Variants in UBXN7 observed in about 807,000 individuals in gnomAD.
UBXN7 encodes the protein UBX domain protein 7.
In UBXN7, 9 loss-of-function variants were observed where a neutral mutation model predicts 58.0. The ratio of observed to expected loss-of-function variants is 0.16; its 90% CI spans 0.09 to 0.27. The LOEUF (loss-of-function observed/expected upper bound fraction) is 0.27. Ranked by LOEUF, UBXN7 falls within the 10% of genes least tolerant of loss-of-function variation. The probability of loss-of-function intolerance (pLI) is 1.00; values close to 1 mark genes in which losing one functional copy is unlikely to be tolerated. For synonymous variants in UBXN7, 208 were observed against 205.0 expected, an observed-to-expected ratio of 1.01 and a Z score of -0.12; for missense variants, 328 against 599.6, an observed-to-expected ratio of 0.55 and a Z score of 4.73.
chr3:196,410,605 C>T (rs535158482), intron 1 of UBXN7, among the ~76,000 whole-genome samples: 50 of 152,194 alleles, frequency 3.3e-4, no homozygotes, highest in Non-Finnish European at 5.7e-4. Context: ...GGGCAGATCA[C>T]GAGGTTAGGA....
intron 1 of UBXN7, among the ~76,000 whole-genome samples, chr3:196,425,567 A>C (rs1730822603): frequency 6.6e-6 from 1 of 152,084 alleles, no homozygotes; most frequent in African/African-American, 2.4e-5. Context: ...TCACTCCTCT[A>C]ATTAAAACCC....
intron 3 of UBXN7, chr3:196,393,867 T>C: frequency 3.8e-6 from 1 of 261,334 alleles, no homozygotes; most frequent in Non-Finnish European, 7.5e-6. Flanking sequence ...CCTCAAAAAA[T>C]AAAAAAGTTT....
intron 2 of UBXN7, among the ~76,000 whole-genome samples, chr3:196,406,420 G>GA (rs1730164592): frequency 1.3e-5 from 2 of 151,760 alleles, no homozygotes; most frequent in Admixed American, 6.6e-5. Flanking sequence ...AACATTAACA[G>GA]AAAAAACTCT....
chr3:196,424,917 G>T (rs1425992887), intron 1 of UBXN7, among the ~76,000 whole-genome samples: 1 of 151,882 alleles, frequency 6.6e-6, no homozygotes, highest in African/African-American at 2.4e-5. Context: ...GGTCAGGCTG[G>T]TCTCAAACTC....
intron 5 of UBXN7, among the ~76,000 whole-genome samples, chr3:196,387,513 G>T (rs1729442381): frequency 6.6e-6 from 1 of 152,056 alleles, no homozygotes; most frequent in Admixed American, 6.6e-5. Flanking sequence ...CCTACAGAAT[G>T]GGAAAAAATT....
chr3:196,404,244 T>G (rs567806043), intron 2 of UBXN7, among the ~76,000 whole-genome samples: 1 of 152,016 alleles, frequency 6.6e-6, no homozygotes, highest in East Asian at 1.9e-4. Flanking sequence ...CCATATAAAT[T>G]TATGTTAGCC....
rs1560231323 is a variant in UBXN7, at chr3:196,391,997, A to AAC, written c.356-73_356-72insGT. 447 of 580,666 alleles carry AAC rather than the reference A, an allele frequency of 7.7e-4. 24 individuals carry two copies. The highest frequency in any genetic ancestry group is 1.7e-3 in the South Asian group (76 of 45,238). 36.0% of individuals were successfully genotyped at this position (580,666 alleles called of 1,614,324 possible). On this transcript the variant is annotated intron_variant, in intron 4 of 10. Coordinates refer to ENST00000296328, the MANE Select transcript of UBXN7 (RefSeq NM_015562.2). ...CACACTGAAAAAAAAAAAAAAAAAA[A>AAC]CACAAACTTCTGTCAATTGAAGGAA...
intron 1 of UBXN7, among the ~76,000 whole-genome samples, chr3:196,428,313 G>C (rs1205601986): frequency 2.0e-5 from 3 of 151,946 alleles, no homozygotes; most frequent in African/African-American, 7.3e-5. Flanking sequence ...TTTTAGCTGG[G>C]CATGGTGGCA....
intron 5 of UBXN7, among the ~76,000 whole-genome samples, chr3:196,372,773 T>G (rs1208838595): frequency 6.6e-6 from 1 of 151,908 alleles, no homozygotes; most frequent in Non-Finnish European, 1.5e-5. Flanking sequence ...TGAGACGAGC[T>G]TTGCTCTTGT....
intron 5 of UBXN7, among the ~76,000 whole-genome samples, chr3:196,386,239 C>T (rs897405460): frequency 5.9e-5 from 9 of 151,890 alleles, no homozygotes; most frequent in African/African-American, 1.9e-4. Context: ...ACAAACACTG[C>T]GGAAGGCAGC....
At chr3:196,403,839 T>G (rs1345603898) in intron 2 of UBXN7, among the ~76,000 whole-genome samples, 1 of 152,196 alleles carries the variant, frequency 6.6e-6, no homozygotes, top group Non-Finnish European at 1.5e-5. Context: ...TACTCATCTT[T>G]TAAAAGCCTA....
rs144595952 is a variant in UBXN7 at position 196,372,300 on chromosome 3, T to TTCTCTC, written c.469-264_469-259dup. 6.0e-3 allele frequency among the ~76,000 whole-genome samples: 806 copies of TTCTCTC among 133,610 alleles called. 10 individuals are homozygous for TTCTCTC. Among genetic ancestry groups the TTCTCTC allele is most frequent in the South Asian group, 0.034 (133 of 3,870 alleles). 87.7% of individuals were successfully genotyped at this position (133,610 alleles called of 152,430 possible). ...TCCAGTTATTTGTTATAATAGCTGA[T>TTCTCTC]TCTCTCTCTCTCTCTCTCTCTCTCT... On this transcript the variant is annotated intron_variant, in intron 5 of 10. Transcript: ENST00000296328.
chr3:196,414,240 C>A (rs1387564461), intron 1 of UBXN7, among the ~76,000 whole-genome samples: 1 of 152,176 alleles, frequency 6.6e-6, no homozygotes, highest in East Asian at 1.9e-4. Flanking sequence ...CTGCCTTGGC[C>A]TCCCAAAGTG....
chr3:196,391,666 C>G lies in UBXN7; in HGVS notation c.468+147G>C. 2.0e-5 allele frequency: 11 copies of G among 541,064 alleles called. No homozygotes were observed. The South Asian group carries it at 2.4e-4, about 12-fold the overall frequency. 33.5% of individuals were successfully genotyped at this position (541,064 alleles called of 1,614,324 possible). ...GGAGGATCCCTTGAGCCCAAGAGTT[C>G]AAGGCTGCAGTGAGCTATGATTGTG... On this transcript the variant is annotated intron_variant, in intron 5 of 10. Transcript: ENST00000296328.
chr3:196,372,956 G>A (rs1266651380), intron 5 of UBXN7, among the ~76,000 whole-genome samples: 1 of 151,984 alleles, frequency 6.6e-6, no homozygotes, highest in African/African-American at 2.4e-5. Context: ...TCACCATGTT[G>A]GCCAGGCTGG....
Position 196,351,167 on chromosome 3 carries a change from C to CTT in UBXN7, c.*5516_*5517dup, listed in dbSNP as rs1248461721. 1 of 152,184 alleles carries CTT rather than the reference C, an allele frequency of 6.6e-6. No individual in the cohort carries two copies. Among genetic ancestry groups the CTT allele is most frequent in the Non-Finnish European group, 1.5e-5 (1 of 68,028 alleles). 9.4% of individuals were successfully genotyped at this position (152,184 alleles called of 1,614,324 possible). On this transcript the variant is annotated 3_prime_UTR_variant, in exon 11 of 11. Transcript: ENST00000296328. ...CATTTTTAAGTCAGCCTAATTGTAT[C>CTT]TTTAAAAAGCTGTTTCTGCCAAAAC... is the stretch of plus-strand genomic sequence containing the variant.
intron 5 of UBXN7, among the ~76,000 whole-genome samples, chr3:196,391,612 T>C (rs1475406580): frequency 6.6e-6 from 1 of 151,978 alleles, no homozygotes; most frequent in Non-Finnish European, 1.5e-5. Context: ...CACATGCCTA[T>C]AGCCCTAGCT....
Position 196,352,083 on chromosome 3 carries a change from CG to C in UBXN7, c.*4601del, listed in dbSNP as rs1221285687. On this transcript the variant is annotated 3_prime_UTR_variant, in exon 11 of 11. Coordinates refer to ENST00000296328, the MANE Select transcript of UBXN7 (RefSeq NM_015562.2). The surrounding 1 kb of genome is among the most constrained non-coding windows in gnomAD (Gnocchi z 4.1). ...AAGAAAAAGGTGAGTCAAAAGAAAA[CG>C]TGAGCTACAGTGCTTGCCACTTCAG... 1 of 152,170 alleles carries C rather than the reference CG, an allele frequency of 6.6e-6. No homozygotes were observed. The highest frequency in any genetic ancestry group is 1.5e-5 in the Non-Finnish European group (1 of 68,038). The allele number at this position is 152,170 out of a possible 1,614,324, so 9.4% of individuals were successfully genotyped here.
chr3:196,368,867 G>A (rs558967527), intron 7 of UBXN7, among the ~76,000 whole-genome samples: 136 of 152,206 alleles, frequency 8.9e-4, no homozygotes, highest in Non-Finnish European at 1.6e-3. Context: ...CTGTTGCCCA[G>A]GCTGGAGTGC....
Sources: allele counts gnomAD v4.1 joint callset (sites outside exome capture counted in the v4.1 genomes callset), GRCh38; gene constraint gnomAD v4.1.1; non-coding constraint Gnocchi (gnomAD v3.1); transcripts MANE v1.5; gene names NCBI Gene and HGNC (gene_info 2026-07-23, HGNC 2026-07-21).